The following CRADD variants were observed in gnomAD, a reference collection of about 807,000 sequenced individuals.
The protein encoded by CRADD is CARD and death domain containing adaptor protein.
CRADD carries 9 observed loss-of-function variants against 15.5 expected under a neutral mutation model. The ratio of observed to expected loss-of-function variants is 0.58; its 90% CI spans 0.35 to 1.01. CRADD has a LOEUF of 1.01. CRADD is among the 50% of genes least tolerant of loss of function. The pLI, the probability that CRADD is intolerant of heterozygous loss-of-function variation, is 0.02. For synonymous variants in CRADD, 118 were observed against 107.6 expected (o/e 1.10, Z -0.60); for missense variants, 227 against 250.3 (o/e 0.91, Z 0.63).
chr12:93,875,208 G>A (rs1043426714), intron 2 of CRADD, among the ~76,000 whole-genome samples: 1 of 151,850 alleles, frequency 6.6e-6, no homozygotes, highest in Non-Finnish European at 1.5e-5. Flanking sequence ...GGGCTTGAAA[G>A]CTATTTTGTC....
intron 2 of CRADD, among the ~76,000 whole-genome samples, chr12:93,844,779 C>A (rs1177000354): frequency 6.6e-6 from 1 of 152,004 alleles, no homozygotes; most frequent in Non-Finnish European, 1.5e-5. Context: ...AGCAAGCAAA[C>A]AAACAAAAAA....
chr12:93,805,262 T>C (rs193278679), intron 2 of CRADD, among the ~76,000 whole-genome samples: 1 of 152,124 alleles, frequency 6.6e-6, no homozygotes, highest in East Asian at 1.9e-4. Flanking sequence ...ACCGAGAAAA[T>C]ATATATTTCT....
intron 2 of CRADD, among the ~76,000 whole-genome samples, chr12:93,835,216 T>C (rs1182410670): frequency 6.6e-6 from 1 of 152,232 alleles, no homozygotes; most frequent in African/African-American, 2.4e-5. Flanking sequence ...TATACTTCAA[T>C]ATCATCCCTA....
chr12:93,809,582 G>A (rs905717754), intron 2 of CRADD, among the ~76,000 whole-genome samples: 1 of 152,138 alleles, frequency 6.6e-6, no homozygotes, highest in Non-Finnish European at 1.5e-5. Flanking sequence ...TGAATGCCAG[G>A]ACCATGCCTC....
In CRADD at chr12:93,867,502, G is replaced by A. The variant is rs569906241; in HGVS notation, c.299-26548G>A. ...CTTAATGACTACTTTTTTTAAGTAA[G>A]GAAGTTAAGGAAGCTACAGCAGTAA... is the stretch of plus-strand genomic sequence containing the variant. On this transcript the variant is annotated intron_variant, in intron 2 of 2. Transcript: ENST00000548483. Among the ~76,000 whole-genome samples, 286 of 150,298 alleles carry A rather than the reference G, an allele frequency of 1.9e-3. 4 individuals are homozygous for A. Among genetic ancestry groups the A allele is most frequent in the African/African-American group, 6.7e-3 (274 of 41,082 alleles).
chr12:93,743,838 C>T (rs1956715374), intron 2 of CRADD, among the ~76,000 whole-genome samples: 1 of 152,008 alleles, frequency 6.6e-6, no homozygotes, highest in Non-Finnish European at 1.5e-5. Context: ...GTTATGTTAG[C>T]AACATTTTTT....
At chr12:93,715,530 T>C (rs1466812005) in intron 2 of CRADD, among the ~76,000 whole-genome samples, 6 of 152,178 alleles carry the variant, frequency 3.9e-5, no homozygotes. Context: ...AAAACTATTT[T>C]TGGGAGGCTG....
At chr12:93,832,581 T>C (rs896056567) in intron 2 of CRADD, among the ~76,000 whole-genome samples, 6 of 152,216 alleles carry the variant, frequency 3.9e-5, no homozygotes, top group South Asian at 2.1e-4. Flanking sequence ...GCAGCAAAGA[T>C]AATATCAAGG....
intron 2 of CRADD, chr12:93,738,550 C>T (rs1449973328): frequency 7.2e-6 from 5 of 695,060 alleles, no homozygotes; most frequent in Non-Finnish European, 1.3e-5. Context: ...CAAACTCATT[C>T]CTCACACCTG....
intron 2 of CRADD, among the ~76,000 whole-genome samples, chr12:93,789,441 T>C (rs1044940234): frequency 6.6e-6 from 1 of 152,132 alleles, no homozygotes; most frequent in African/African-American, 2.4e-5. Flanking sequence ...AGGATGACGA[T>C]TGGTTTAGAA....
chr12:93,805,476 A>AT (rs1217279106), intron 2 of CRADD, among the ~76,000 whole-genome samples: 1 of 151,502 alleles, frequency 6.6e-6, no homozygotes, highest in South Asian at 2.1e-4. Flanking sequence ...CTTTTTCTTT[A>AT]TTTTTTTGAG....
At chr12:93,823,615 A>C (rs1157416100) in intron 2 of CRADD, among the ~76,000 whole-genome samples, 1 of 152,226 alleles carries the variant, frequency 6.6e-6, no homozygotes, top group Non-Finnish European at 1.5e-5. Flanking sequence ...ATACCTCTTC[A>C]GTTCAGGCAT....
intron 2 of CRADD, among the ~76,000 whole-genome samples, chr12:93,804,031 A>C (rs745964846): frequency 3.9e-5 from 6 of 152,142 alleles, no homozygotes; most frequent in Non-Finnish European, 7.3e-5. Context: ...AGCCTCCAAA[A>C]GGGAGCACAG....
At chr12:93,739,294 C>G (rs2136926213) in intron 2 of CRADD, among the ~76,000 whole-genome samples, 1 of 151,460 alleles carries the variant, frequency 6.6e-6, no homozygotes, top group Non-Finnish European at 1.5e-5. Context: ...TGCTTATTTC[C>G]AATACAGATA....
intron 2 of CRADD, among the ~76,000 whole-genome samples, chr12:93,762,308 A>G (rs1363983966): frequency 6.6e-6 from 1 of 152,238 alleles, no homozygotes; most frequent in Admixed American, 6.5e-5. Context: ...TGAGGGCAAT[A>G]AGGAATTCAG....
At chr12:93,779,729 A>C in intron 2 of CRADD, among the ~76,000 whole-genome samples, 1 of 151,802 alleles carries the variant, frequency 6.6e-6, no homozygotes. Context: ...AGCTGGGACT[A>C]CAGGTGCCCA....
At chr12:93,707,914 A>G (rs1459876235) in intron 2 of CRADD, 1 of 152,098 alleles carries the variant, frequency 6.6e-6, no homozygotes, top group African/African-American at 2.4e-5. Context: ...TTTAGACAAA[A>G]CTCTGATGTA....
chr12:93,772,175 CAG>C (rs1446590566), intron 2 of CRADD, among the ~76,000 whole-genome samples: 1 of 152,130 alleles, frequency 6.6e-6, no homozygotes, highest in East Asian at 1.9e-4. Context: ...TGTGACTGTT[CAG>C]AGTGTGTTTG....
At chr12:93,787,305 GT>G (rs34146137) in intron 2 of CRADD, among the ~76,000 whole-genome samples, 8,317 of 123,784 alleles carry the variant, frequency 0.067, 540 homozygotes, top group East Asian at 0.2. Flanking sequence ...GTATGACAGG[GT>G]TTTTTTTTTT....
Sources: gnomAD v4.1 joint callset for allele counts (sites outside exome capture counted in the v4.1 genomes callset) on GRCh38, gnomAD v4.1.1 for gene constraint, MANE v1.5 for transcripts, NCBI Gene and HGNC (gene_info 2026-07-23, HGNC 2026-07-21) for gene names.